Variants in TENM2 observed in about 807,000 individuals in gnomAD.
TENM2 encodes teneurin transmembrane protein 2.
Under a neutral mutation model 245.2 loss-of-function variants are expected in TENM2, and 52 were observed. That is an observed-to-expected ratio of 0.21 (90% confidence interval 0.17 to 0.27). The LOEUF is 0.27. TENM2 is among the 10% of genes least tolerant of loss of function. The pLI, the probability that TENM2 is intolerant of heterozygous loss-of-function variation, is 1.00. For synonymous variants in TENM2, 1,363 were observed against 1,438.9 expected, an observed-to-expected ratio of 0.95 and a Z score of 1.19; for missense variants, 3,046 against 3,666.8, an observed-to-expected ratio of 0.83 and a Z score of 4.37.
At chr5:167,004,746 G>A in the TENM2 span, among the ~76,000 whole-genome samples, 71 of 152,272 alleles carry the variant, frequency 4.7e-4, no homozygotes, top group African/African-American at 1.6e-3. Context: ...GCGTGTGTGC[G>A]TTTTAGGCAG....
the TENM2 span, among the ~76,000 whole-genome samples, chr5:167,234,522 A>C: frequency 6.6e-6 from 1 of 152,210 alleles, no homozygotes; most frequent in African/African-American, 2.4e-5. Context: ...AAAAATCAAC[A>C]GTAACCCATT....
intron 4 of TENM2, among the ~76,000 whole-genome samples, chr5:167,958,930 A>G (rs1780774228): frequency 6.6e-6 from 1 of 151,532 alleles, no homozygotes; most frequent in Non-Finnish European, 1.5e-5. Flanking sequence ...CTTCATTTCA[A>G]CCTTGGTGAA....
chr5:167,142,504 A>C, the TENM2 span, among the ~76,000 whole-genome samples: 3 of 151,810 alleles, frequency 2.0e-5, no homozygotes, highest in African/African-American at 7.3e-5. Context: ...AAAGACTAAG[A>C]ACAAACACAT....
the TENM2 span, among the ~76,000 whole-genome samples, chr5:166,986,053 A>AGCT: frequency 6.6e-6 from 1 of 152,208 alleles, no homozygotes; most frequent in Non-Finnish European, 1.5e-5. Flanking sequence ...TACATCCCTC[A>AGCT]GCTGTGCTTT....
At chr5:167,718,721 C>A (rs938574961) in intron 2 of TENM2, among the ~76,000 whole-genome samples, 3 of 151,796 alleles carry the variant, frequency 2.0e-5, no homozygotes, top group Admixed American at 1.3e-4. Context: ...CTAAGCACAA[C>A]AAAGCAGGCT....
At chr5:167,130,297 G>A in the TENM2 span, among the ~76,000 whole-genome samples, 2 of 152,180 alleles carry the variant, frequency 1.3e-5, no homozygotes, top group Admixed American at 6.5e-5. Flanking sequence ...TGCTGCTAAT[G>A]GAGGGATTTC....
At chr5:168,058,007 C>A (rs1055995547) in intron 6 of TENM2, among the ~76,000 whole-genome samples, 1 of 152,046 alleles carries the variant, frequency 6.6e-6, no homozygotes, top group African/African-American at 2.4e-5. Flanking sequence ...GTAGTTATAC[C>A]TTTTACAGAC....
In TENM2 at chr5:167,295,315, T is replaced by C. The variant is rs189360571; in HGVS notation, c.226+10252T>C. On this transcript the variant is annotated intron_variant, in intron 1 of 28. Transcript: ENST00000518659. The stretch of plus-strand genomic sequence containing the variant: ...TTACTCTGACACTAGCATGTTGAGT[T>C]GCACTAACAGTTCCTTTTTCTGATT... 8.9e-4 allele frequency among the ~76,000 whole-genome samples: 136 copies of C among 152,376 alleles called. 1 individual carries two copies. The highest frequency in any genetic ancestry group is 8.8e-3 in the Admixed American group (135 of 15,312).
At chr5:166,979,174 T>TAGC in the TENM2 span, among the ~76,000 whole-genome samples, 424 of 132,422 alleles carry the variant, frequency 3.2e-3, 1 homozygote, top group African/African-American at 0.012. Flanking sequence ...GTTTCCGAAG[T>TAGC]AGCAGCAGCA....
intron 2 of TENM2, among the ~76,000 whole-genome samples, chr5:167,434,506 C>A (rs974280155): frequency 2.2e-4 from 33 of 146,706 alleles, no homozygotes; most frequent in African/African-American, 8.0e-4. Flanking sequence ...AATGTTTATT[C>A]TCAAAATACT....
At chr5:167,249,656 C>A in the TENM2 span, among the ~76,000 whole-genome samples, 5 of 152,028 alleles carry the variant, frequency 3.3e-5, no homozygotes, top group Non-Finnish European at 5.9e-5. Context: ...ATATTAAGCA[C>A]CTAATTTAAA....
intron 3 of TENM2, among the ~76,000 whole-genome samples, chr5:167,894,921 A>AGAAGGAAGGAAGGAAGGAAGGAAG (rs368233260): frequency 4.1e-4 from 34 of 82,958 alleles, no homozygotes; most frequent in South Asian, 5.9e-4. Flanking sequence ...CACCCTGGAA[A>AGAAGGAAGGAAGGAAGGAAGGAAG]GAAGGAAGGA....
At chr5:167,604,330 C>T (rs1776869182) in intron 2 of TENM2, among the ~76,000 whole-genome samples, 1 of 152,078 alleles carries the variant, frequency 6.6e-6, no homozygotes, top group Admixed American at 6.6e-5. Context: ...CCTTGAAACT[C>T]AAATTGAATA....
chr5:167,260,781 G>A, the TENM2 span, among the ~76,000 whole-genome samples: 2 of 152,306 alleles, frequency 1.3e-5, no homozygotes, highest in African/African-American at 4.8e-5. Flanking sequence ...AGATGTGGTG[G>A]TATAAAGGCA....
chr5:167,751,490 C>T (rs552977657), intron 2 of TENM2, among the ~76,000 whole-genome samples: 1 of 152,166 alleles, frequency 6.6e-6, no homozygotes, highest in East Asian at 1.9e-4. Context: ...AGAATTATTA[C>T]AGTGTTGCAT....
intron 2 of TENM2, among the ~76,000 whole-genome samples, chr5:167,671,733 A>G (rs1755955511): frequency 6.6e-6 from 1 of 150,398 alleles, no homozygotes; most frequent in Admixed American, 6.7e-5. Context: ...CTTTAGCTAC[A>G]GATATATATA....
At chr5:167,190,786 A>G in the TENM2 span, among the ~76,000 whole-genome samples, 1 of 152,154 alleles carries the variant, frequency 6.6e-6, no homozygotes, top group Non-Finnish European at 1.5e-5. Context: ...ATTCATGCCA[A>G]TCGGGACGTA....
the TENM2 span, among the ~76,000 whole-genome samples, chr5:167,080,845 A>G: frequency 6.6e-6 from 1 of 152,158 alleles, no homozygotes; most frequent in Admixed American, 6.6e-5. Flanking sequence ...ATGCCAGTAT[A>G]GTTATATTAA....
intron 2 of TENM2, 82 bp from the exon 5 acceptor site, chr5:167,875,904 T>G: frequency 2.4e-4 from 205 of 851,550 alleles, no homozygotes; most frequent in Non-Finnish European, 3.6e-4. Context: ...ATTTATATTG[T>G]GAGCTGGTTT....
Sources: allele counts gnomAD v4.1 joint callset (sites outside exome capture counted in the v4.1 genomes callset), GRCh38; gene constraint gnomAD v4.1.1; transcripts MANE v1.5; gene names NCBI Gene and HGNC (gene_info 2026-07-23, HGNC 2026-07-21).